The following ATP11A variants were observed in gnomAD, a reference collection of about 807,000 sequenced individuals.
ATP11A encodes the protein phospholipid-transporting ATPase IH.
ATP11A carries 81 observed loss-of-function variants against 154.4 expected under a neutral mutation model. The ratio of observed to expected loss-of-function variants is 0.52; its 90% CI spans 0.44 to 0.63. The LOEUF is 0.63. ATP11A is among the 30% of genes least tolerant of loss of function. The pLI is 0.00. For missense variants in ATP11A, 1,316 were observed against 1,474.3 expected, an observed-to-expected ratio of 0.89 and a Z score of 1.76; for synonymous variants, 623 against 585.9, an observed-to-expected ratio of 1.06 and a Z score of -0.91.
intron 20 of ATP11A, chr13:112,856,499 G>A (rs1411866541): frequency 2.6e-5 from 4 of 154,474 alleles, no homozygotes; most frequent in Non-Finnish European, 4.3e-5. Flanking sequence ...ACAAATGAGG[G>A]CACCAGCTTT....
intron 1 of ATP11A, among the ~76,000 whole-genome samples, chr13:112,778,326 C>T (rs758202539): frequency 7.6e-4 from 115 of 152,284 alleles, no homozygotes; most frequent in Middle Eastern, 3.4e-3. Flanking sequence ...TTGAAAGCCC[C>T]GGCACACTCC....
At position 112,690,817 on chromosome 13, in the gene ATP11A, G is replaced by A. The variant is rs1209955583; in HGVS notation, c.39+362G>A. Among the ~76,000 whole-genome samples, 1 of 152,140 alleles carries A rather than the reference G, an allele frequency of 6.6e-6. No homozygotes were observed. Among genetic ancestry groups the A allele is most frequent in the Admixed American group, 6.5e-5 (1 of 15,282 alleles). On this transcript the variant is annotated intron_variant, in intron 1 of 29. Transcript: ENST00000375645. This position sits in a 1 kb window ranked among gnomAD's most constrained non-coding sequence, Gnocchi z 5.6. ...CGGGCGCCCGGAGGGAGCCAACTTCGACCCCGCCGGGGCCCGGGTCTGGGG... is the reference window on the plus strand; with the variant it reads ...CGGGCGCCCGGAGGGAGCCAACTTCAACCCCGCCGGGGCCCGGGTCTGGGG...
At chr13:112,858,517 A>C in intron 22 of ATP11A, 1 of 449,968 alleles carries the variant, frequency 2.2e-6, no homozygotes, top group Non-Finnish European at 3.9e-6. Context: ...AAAATATCAA[A>C]CGCAAAATTG....
chr13:112,870,530 C>T (rs2080482227), intron 25 of ATP11A, among the ~76,000 whole-genome samples: 1 of 152,298 alleles, frequency 6.6e-6, no homozygotes, highest in Non-Finnish European at 1.5e-5. Context: ...AGGCAGGCGC[C>T]GCTACGCCCG....
chr13:112,822,331 C>T (rs1215364698), intron 8 of ATP11A, among the ~76,000 whole-genome samples: 2 of 152,218 alleles, frequency 1.3e-5, no homozygotes, highest in African/African-American at 4.8e-5. Flanking sequence ...GGCAGAGACC[C>T]TGCCTGCTGC....
At chr13:112,869,986 C>A (rs2080461792) in intron 25 of ATP11A, among the ~76,000 whole-genome samples, 1 of 152,214 alleles carries the variant, frequency 6.6e-6, no homozygotes, top group South Asian at 2.1e-4. Flanking sequence ...CCCCCCCATC[C>A]AAAGCTAGCA....
At chr13:112,784,713 C>T (rs755366798) in intron 1 of ATP11A, among the ~76,000 whole-genome samples, 2 of 152,060 alleles carry the variant, frequency 1.3e-5, no homozygotes, top group East Asian at 1.9e-4. Flanking sequence ...TTAGTAGAGA[C>T]GGGGTTTCAC....
At chr13:112,797,521 A>G (rs1419102750) in intron 2 of ATP11A, among the ~76,000 whole-genome samples, 1 of 152,186 alleles carries the variant, frequency 6.6e-6, no homozygotes, top group Non-Finnish European at 1.5e-5. Flanking sequence ...ATCTTGAAAG[A>G]AGCCACAGGA....
intron 8 of ATP11A, among the ~76,000 whole-genome samples, chr13:112,820,582 G>A (rs889457065): frequency 4.6e-5 from 7 of 152,150 alleles, no homozygotes; most frequent in Admixed American, 1.3e-4. Context: ...AGGCAGCCTC[G>A]GCTGAGAGCC....
intron 1 of ATP11A, among the ~76,000 whole-genome samples, chr13:112,769,692 A>G (rs1012050615): frequency 1.3e-5 from 2 of 152,194 alleles, no homozygotes; most frequent in Non-Finnish European, 2.9e-5. Flanking sequence ...GTCTAAGGGA[A>G]AGCTGCCGAT....
Position 112,827,151 on chromosome 13 carries a change from G to A in ATP11A, c.1221+260G>A, listed in dbSNP as rs1308525753. Among the ~76,000 whole-genome samples, 4 of 152,202 alleles carry A rather than the reference G, an allele frequency of 2.6e-5. No individual in the cohort carries two copies. The South Asian group carries it at 8.3e-4, about 32-fold the overall frequency. The stretch of plus-strand genomic sequence containing the variant: ...GGCAGAACTCTTTCTGTGTGCAGGT[G>A]TGAATCAAGGCTGGTGGGTAAAAGT... On this transcript the variant is annotated intron_variant, in intron 12 of 29. Transcript: ENST00000375645.
At chr13:112,730,645 T>C (rs554675649) in intron 1 of ATP11A, among the ~76,000 whole-genome samples, 1 of 152,160 alleles carries the variant, frequency 6.6e-6, no homozygotes, top group Non-Finnish European at 1.5e-5. Context: ...CTGGTGAAAT[T>C]GCGCCCTTCT....
intron 1 of ATP11A, among the ~76,000 whole-genome samples, chr13:112,771,102 C>T (rs2077215107): frequency 6.6e-6 from 1 of 152,178 alleles, no homozygotes; most frequent in Non-Finnish European, 1.5e-5. Context: ...GGTTTTCAGC[C>T]TATTTTTAAA....
At chr13:112,828,152 G>T (rs1465163168) in intron 12 of ATP11A, among the ~76,000 whole-genome samples, 1 of 128,056 alleles carries the variant, frequency 7.8e-6, no homozygotes, top group African/African-American at 3.0e-5. Flanking sequence ...GGGGGAAAGC[G>T]CCCAGCAGCG....
Position 112,753,362 on chromosome 13 carries a change from AGGG to A in ATP11A, c.40-31772_40-31770del, listed in dbSNP as rs1199735709. Among the ~76,000 whole-genome samples the A allele has an allele frequency of 6.6e-6, 1 of 152,212 alleles. No homozygotes were observed. The highest frequency in any genetic ancestry group is 1.5e-5 in the Non-Finnish European group (1 of 68,038). On this transcript the variant is annotated intron_variant, in intron 1 of 29. Transcript: ENST00000375645. The surrounding 1 kb of genome is among the most constrained non-coding windows in gnomAD (Gnocchi z 4.1). ...GACAGCTTTGGGATCGCTTTGGAGA[AGGG>A]AGATTTCTGAGAAGGGGGGTACGTT...
At chr13:112,874,438 G>A (rs181232762) in intron 27 of ATP11A, among the ~76,000 whole-genome samples, 116 of 152,282 alleles carry the variant, frequency 7.6e-4, no homozygotes, top group African/African-American at 2.8e-3. Context: ...TGGTGAGAGC[G>A]ACATAGGCAG....
At chr13:112,784,526 C>G (rs1409045564) in intron 1 of ATP11A, among the ~76,000 whole-genome samples, 1 of 140,806 alleles carries the variant, frequency 7.1e-6, no homozygotes, top group Non-Finnish European at 1.6e-5. Flanking sequence ...ACGTTCTGTT[C>G]TTTTTTTTTT....
At chr13:112,792,401 CTA>C (rs1203764902) in intron 2 of ATP11A, among the ~76,000 whole-genome samples, 1 of 152,010 alleles carries the variant, frequency 6.6e-6, no homozygotes. Flanking sequence ...GATAATGTAT[CTA>C]TGTTTTCCTG....
intron 13 of ATP11A, among the ~76,000 whole-genome samples, 160 bp downstream of exon 13, chr13:112,831,708 T>G (rs1245369404): frequency 6.6e-6 from 1 of 152,174 alleles, no homozygotes; most frequent in Non-Finnish European, 1.5e-5. Context: ...TGGTGTCCCG[T>G]TAGGACACAT....
Sources: allele counts gnomAD v4.1 joint callset (sites outside exome capture counted in the v4.1 genomes callset), GRCh38; gene constraint gnomAD v4.1.1; non-coding constraint Gnocchi (gnomAD v3.1); transcripts MANE v1.5; gene names NCBI Gene and HGNC (gene_info 2026-07-23, HGNC 2026-07-21).